The following NPM2 variants were observed in gnomAD, a reference collection of about 807,000 sequenced individuals.
The protein encoded by NPM2 is nucleophosmin/nucleoplasmin 2.
A neutral mutation model predicts 32.0 loss-of-function variants in NPM2; 25 were observed. The observed-to-expected ratio is 0.78, with a 90% confidence interval of 0.57 to 1.09. NPM2 has a LOEUF of 1.09. Among genes scored for constraint, NPM2 ranks in the 50% least tolerant of loss-of-function variants. The pLI, the probability that NPM2 is intolerant of heterozygous loss-of-function variation, is 0.00. For missense variants in NPM2, 282 were observed against 259.9 expected (o/e 1.08, Z -0.58); for synonymous variants, 111 against 94.2 (o/e 1.18, Z -1.04).
At position 22,034,546 on chromosome 8, in the gene NPM2, T is replaced by A; in HGVS notation, c.566+2T>A. Reference sequence around the variant, plus strand: ...GGAAAAAGAAGAAGAGGAAATAAGGTAACTCTTTCTACCTATTAAATTAGC... The same window carrying A: ...GGAAAAAGAAGAAGAGGAAATAAGGAAACTCTTTCTACCTATTAAATTAGC... On this transcript the variant is annotated splice_donor_variant, in intron 8 of 9. Coordinates refer to ENST00000518119, the MANE Select transcript of NPM2 (RefSeq NM_001286680.2). LOFTEE classifies it high-confidence loss of function. 1 of 1,608,384 alleles carries A rather than the reference T, an allele frequency of 6.2e-7. No homozygotes were observed. Among genetic ancestry groups the A allele is most frequent in the Non-Finnish European group, 8.5e-7 (1 of 1,175,242 alleles).
At chr8:22,030,613 T>C (rs1800405432) in intron 5 of NPM2, among the ~76,000 whole-genome samples, 1 of 152,150 alleles carries the variant, frequency 6.6e-6, no homozygotes, top group Non-Finnish European at 1.5e-5. Context: ...GTTCTTATGA[T>C]TATGATTCCT....
Position 22,024,241 on chromosome 8 carries a change from G to C in NPM2, c.-523G>C, listed in dbSNP as rs951865715. 6.6e-6 allele frequency: 1 copy of C among 152,382 alleles called. No individual in the cohort carries two copies. Among genetic ancestry groups the C allele is most frequent in the African/African-American group, 2.4e-5 (1 of 41,450 alleles). 9.4% of individuals were successfully genotyped at this position (152,382 alleles called of 1,614,324 possible). On this transcript the variant is annotated 5_prime_UTR_variant, in exon 1 of 10. Coordinates refer to ENST00000518119, the MANE Select transcript of NPM2 (RefSeq NM_001286680.2). ...GAGATCTCACCGTTCTGGAGACAGG[G>C]CTCGCTCGCTCTCACGGTAGGCTGG...
intron 5 of NPM2, among the ~76,000 whole-genome samples, chr8:22,030,287 G>C (rs566142119): frequency 6.6e-6 from 1 of 152,240 alleles, no homozygotes; most frequent in Non-Finnish European, 1.5e-5. Context: ...TGCCTAGGTT[G>C]GAGTGCAGTG....
intron 7 of NPM2, 80 bp from the exon 8 acceptor site, chr8:22,034,430 G>T: frequency 7.1e-7 from 1 of 1,401,076 alleles, no homozygotes; most frequent in Middle Eastern, 1.8e-4. Flanking sequence ...AGCTCAGCGG[G>T]GACCTTGTGG....
chr8:22,034,408 G>A (rs751712301), intron 7 of NPM2, 102 bp from the exon 8 acceptor site: 5 of 1,382,034 alleles, frequency 3.6e-6, no homozygotes, highest in African/African-American at 1.4e-5. Flanking sequence ...ACCTCAGCTA[G>A]TTCTGGCCAG....
At chr8:22,032,579 C>G (rs904837521) in intron 5 of NPM2, among the ~76,000 whole-genome samples, 5 of 152,190 alleles carry the variant, frequency 3.3e-5, no homozygotes, top group Admixed American at 6.5e-5. Flanking sequence ...CAGACGTTTT[C>G]TCACACTTCT....
intron 6 of NPM2, among the ~76,000 whole-genome samples, chr8:22,033,799 C>T (rs1207368607): frequency 6.6e-6 from 1 of 152,206 alleles, no homozygotes; most frequent in African/African-American, 2.4e-5. Context: ...CTACCTTTAG[C>T]CTTGGCCCCA....
At chr8:22,029,866 T>C (rs1800377075) in intron 5 of NPM2, among the ~76,000 whole-genome samples, 1 of 152,250 alleles carries the variant, frequency 6.6e-6, no homozygotes, top group South Asian at 2.1e-4. Flanking sequence ...CTTTCCTCTC[T>C]GGCTTATTTT....
In NPM2 at chr8:22,034,203, A is replaced by T; in HGVS notation, c.459A>T (p.Ile153=). 1 of 1,612,956 alleles carries T rather than the reference A, an allele frequency of 6.2e-7. No homozygotes were observed. The highest frequency in any genetic ancestry group is 8.5e-7 in the Non-Finnish European group (1 of 1,179,598). The change falls in exon 7 of 10, where the codon ATA becomes ATT. Residue 153 remains isoleucine (I), a synonymous_variant. Transcript: ENST00000518119. ...EEDDEDEDAD[I]SLEEQSPVKQ... ...ATGATGAGGATGAGGATGCAGATAT[A>T]TCTCTGGAGGAGCAAAGCCCTGTCA...
At chr8:22,027,601 CTCTT>C (rs1244476625) in intron 5 of NPM2, among the ~76,000 whole-genome samples, 3 of 149,298 alleles carry the variant, frequency 2.0e-5, no homozygotes, top group Admixed American at 6.7e-5. Flanking sequence ...CAAGACAAAG[CTCTT>C]TTTTTTTTTT....
intron 5 of NPM2, among the ~76,000 whole-genome samples, chr8:22,031,257 T>C (rs1220831433): frequency 6.6e-5 from 10 of 152,184 alleles, no homozygotes. Context: ...GTTTTGATTT[T>C]TGTTTTTCAT....
intron 5 of NPM2, among the ~76,000 whole-genome samples, chr8:22,029,377 C>T (rs1472596529): frequency 6.6e-6 from 1 of 152,182 alleles, no homozygotes. Context: ...CTCCTGAGCT[C>T]AGGTGATCCT....
chr8:22,036,326 A>G, intron 8 of NPM2, 167 bp from the exon 9 acceptor site: 1 of 600,874 alleles, frequency 1.7e-6, no homozygotes, highest in South Asian at 2.2e-5. Flanking sequence ...ATGCGTATGC[A>G]TGCACACGCA....
chr8:22,024,957 C>G, intron 2 of NPM2, 127 bp downstream of exon 2: 1 of 448,134 alleles, frequency 2.2e-6, no homozygotes, highest in East Asian at 4.1e-5. Context: ...CGCGGCCTTT[C>G]AAGCCTGAGC....
chr8:22,026,118 G>A (rs535150052), intron 5 of NPM2, among the ~76,000 whole-genome samples: 30 of 152,262 alleles, frequency 2.0e-4, no homozygotes, highest in African/African-American at 4.6e-4. Context: ...AGATCAGAGC[G>A]GCATTAGATT....
intron 7 of NPM2, 66 bp downstream of exon 7, chr8:22,034,341 G>A: frequency 1.3e-6 from 2 of 1,492,282 alleles, no homozygotes; most frequent in Admixed American, 2.0e-5. Flanking sequence ...AAGAGGGGTG[G>A]GCCACCGGGA....
In NPM2 at chr8:22,026,454, C is replaced by CTTTTT. The variant is rs1171179196; in HGVS notation, c.270+696_270+700dup. Among the ~76,000 whole-genome samples, 219 of 111,382 alleles carry CTTTTT rather than the reference C, an allele frequency of 2.0e-3. 3 individuals are homozygous for CTTTTT. Among genetic ancestry groups the CTTTTT allele is most frequent in the African/African-American group, 6.0e-3 (170 of 28,450 alleles). 73.1% of individuals were successfully genotyped at this position (111,382 alleles called of 152,430 possible). On this transcript the variant is annotated intron_variant, in intron 5 of 9. Coordinates refer to ENST00000518119, the MANE Select transcript of NPM2 (RefSeq NM_001286680.2). ...AATTGTGAATAATGGCAGTTCTTGCCTTTTTTTTTTTTTTTTTTGAGATGG... is the reference window on the plus strand; with the variant it reads ...AATTGTGAATAATGGCAGTTCTTGCCTTTTTTTTTTTTTTTTTTTTTTTGAGATGG...
chr8:22,034,906 G>A (rs929977055), intron 8 of NPM2, among the ~76,000 whole-genome samples: 3 of 152,024 alleles, frequency 2.0e-5, no homozygotes, highest in Non-Finnish European at 4.4e-5. Flanking sequence ...TCAGGAGCTC[G>A]AGACTAGCCT....
chr8:22,025,777 G>A lies in NPM2; in HGVS notation c.270+5G>A, dbSNP rs774481145. The A allele has an allele frequency of 2.5e-6, 4 of 1,613,736 alleles. No homozygotes were observed. The highest frequency in any genetic ancestry group is 3.3e-5 in the Admixed American group (2 of 59,988). On this transcript the variant is annotated splice_donor_5th_base_variant and intron_variant, in intron 5 of 9. Transcript: ENST00000518119. ...CAGGCCTCAGTCCTCCCCATGGTGCGCATTTCCCTGCTGGCTGGAAGACTG... is the reference window on the plus strand; with the variant it reads ...CAGGCCTCAGTCCTCCCCATGGTGCACATTTCCCTGCTGGCTGGAAGACTG...
Sources: gnomAD v4.1 joint callset for allele counts (sites outside exome capture counted in the v4.1 genomes callset) on GRCh38, gnomAD v4.1.1 for gene constraint, MANE v1.5 for transcripts, NCBI Gene and HGNC (gene_info 2026-07-23, HGNC 2026-07-21) for gene names.